Variants in CCDC30 observed in about 807,000 individuals in gnomAD.
CCDC30 encodes the protein coiled-coil domain-containing protein 30.
Under a neutral mutation model 100.2 loss-of-function variants are expected in CCDC30, and 70 were observed. The observed-to-expected ratio is 0.70, with a 90% CI of 0.58 to 0.85. The LOEUF (loss-of-function observed/expected upper bound fraction) is 0.85. CCDC30 is among the 40% of genes least tolerant of loss of function. CCDC30 has a pLI of 0.00. For missense variants in CCDC30, 652 were observed against 771.2 expected (o/e 0.85, Z 1.83); for synonymous variants, 233 against 269.5 (o/e 0.86, Z 1.33).
intron 6 of CCDC30, among the ~76,000 whole-genome samples, chr1:42,555,206 C>G (rs1306940740): frequency 6.6e-6 from 1 of 152,196 alleles, no homozygotes; most frequent in Non-Finnish European, 1.5e-5. Context: ...ATTTCTAAAG[C>G]ACCTTCTCTC....
chr1:42,610,200 T>C (rs1257002993), intron 10 of CCDC30, among the ~76,000 whole-genome samples: 1 of 152,218 alleles, frequency 6.6e-6, no homozygotes, highest in African/African-American at 2.4e-5. Flanking sequence ...TACCAGCAAC[T>C]ATAAGTGATA....
chr1:42,582,498 A>G (rs2809653), intron 9 of CCDC30, among the ~76,000 whole-genome samples: 54,825 of 152,004 alleles, frequency 0.36, 10,076 homozygotes, highest in East Asian at 0.41. Context: ...AAACTCTTGG[A>G]AAATTGCCCT....
chr1:42,530,297 C>G (rs368465236), intron 6 of CCDC30, among the ~76,000 whole-genome samples: 3 of 152,256 alleles, frequency 2.0e-5, no homozygotes, highest in Admixed American at 6.5e-5. Context: ...TAGAGAGAGA[C>G]CACATTCACA....
intron 14 of CCDC30, 56 bp downstream of exon 18, chr1:42,644,863 G>A (rs1315375353): frequency 3.1e-5 from 34 of 1,100,348 alleles, no homozygotes; most frequent in East Asian, 4.7e-5. Context: ...GGGTTGCTAC[G>A]GCTGCTGTGC....
At chr1:42,642,249 A>C (rs981983917) in intron 12 of CCDC30, among the ~76,000 whole-genome samples, 18 of 144,790 alleles carry the variant, frequency 1.2e-4, no homozygotes, top group Non-Finnish European at 2.6e-4. Context: ...ACAAAAAAAT[A>C]TATATATATA....
chr1:42,462,832 T>A (rs1206320671), upstream of CCDC30, among the ~76,000 whole-genome samples: 2 of 152,184 alleles, frequency 1.3e-5, no homozygotes, highest in African/African-American at 2.4e-5. Flanking sequence ...CTTTTTACAA[T>A]AATAAGCTGG....
At chr1:42,538,520 A>G (rs1017116657) in intron 6 of CCDC30, among the ~76,000 whole-genome samples, 11 of 152,166 alleles carry the variant, frequency 7.2e-5, no homozygotes, top group Admixed American at 6.5e-5. Context: ...GTTTGAGCCC[A>G]GGAGTTGAGG....
At chr1:42,655,357 C>T (rs1648621475), downstream of CCDC30, among the ~76,000 whole-genome samples, 1 of 151,992 alleles carries the variant, frequency 6.6e-6, no homozygotes, top group African/African-American at 2.4e-5. Flanking sequence ...GCTTGGCCAA[C>T]TTAGGGAAAC....
At chr1:42,597,877 G>T (rs573726446) in intron 10 of CCDC30, among the ~76,000 whole-genome samples, 1 of 151,092 alleles carries the variant, frequency 6.6e-6, no homozygotes, top group South Asian at 2.1e-4. Context: ...AAAAAAAATC[G>T]CCAGGCACAG....
At chr1:42,552,793 A>G (rs1645280687) in intron 6 of CCDC30, among the ~76,000 whole-genome samples, 1 of 151,960 alleles carries the variant, frequency 6.6e-6, no homozygotes, top group Non-Finnish European at 1.5e-5. Context: ...GGGGTGGCTT[A>G]TTGTGCTAGG....
intron 6 of CCDC30, among the ~76,000 whole-genome samples, chr1:42,524,669 C>G (rs1208790951): frequency 1.3e-5 from 2 of 152,166 alleles, no homozygotes; most frequent in Admixed American, 6.5e-5. Flanking sequence ...GCAAGCTGTT[C>G]CAGGAACTCA....
chr1:42,596,699 G>A lies in CCDC30; in HGVS notation c.1164+7216G>A, dbSNP rs115150714. 7.1e-3 allele frequency among the ~76,000 whole-genome samples: 1,079 copies of A among 151,702 alleles called. 16 individuals are homozygous for A. The highest frequency in any genetic ancestry group is 0.025 in the African/African-American group (1,017 of 41,340). ...TCCTCTACTCACTGCATCATGTTTC[G>A]CTATCAAGAAAAAATTACAAGACAC... On this transcript the variant is annotated intron_variant, in intron 10 of 16. Transcript: ENST00000668663. This position sits in a 1 kb window ranked among gnomAD's most constrained non-coding sequence, Gnocchi z 4.3.
chr1:42,610,016 A>G (rs6600414), intron 10 of CCDC30, among the ~76,000 whole-genome samples: 6,462 of 152,308 alleles, frequency 0.042, 444 homozygotes, highest in African/African-American at 0.14. Context: ...CTCATAGAAG[A>G]TCTGTGGTTC....
At chr1:42,555,073 C>T (rs1645341180) in intron 6 of CCDC30, among the ~76,000 whole-genome samples, 1 of 152,108 alleles carries the variant, frequency 6.6e-6, no homozygotes, top group Non-Finnish European at 1.5e-5. Context: ...AATGACAAAC[C>T]TTATCAATAC....
chr1:42,617,034 A>G (rs1418516802), intron 11 of CCDC30, among the ~76,000 whole-genome samples: 1 of 152,212 alleles, frequency 6.6e-6, no homozygotes, highest in Non-Finnish European at 1.5e-5. Flanking sequence ...GATGCAGACA[A>G]TGTTTAAACA....
chr1:42,617,313 T>A (rs1404904540), intron 11 of CCDC30, among the ~76,000 whole-genome samples: 1 of 152,170 alleles, frequency 6.6e-6, no homozygotes, highest in Non-Finnish European at 1.5e-5. Flanking sequence ...TTAATTTTTT[T>A]AATTACCCAA....
At chr1:42,650,552 A>G in intron 15 of CCDC30, among the ~76,000 whole-genome samples, 1 of 146,950 alleles carries the variant, frequency 6.8e-6, no homozygotes, top group Non-Finnish European at 1.5e-5. Flanking sequence ...TAACAGAACT[A>G]CAGTAATTAA....
chr1:42,473,967 C>CT (rs1643845471), intron 1 of CCDC30, among the ~76,000 whole-genome samples: 8 of 134,176 alleles, frequency 6.0e-5, no homozygotes, highest in South Asian at 2.8e-4. Flanking sequence ...GTAGATAAAG[C>CT]TATTTTTTTT....
intron 7 of CCDC30, among the ~76,000 whole-genome samples, chr1:42,568,648 C>T (rs1020394899): frequency 6.6e-6 from 1 of 151,904 alleles, no homozygotes; most frequent in Admixed American, 6.6e-5. Flanking sequence ...CACTCAAGGC[C>T]AGGTGCAGTG....
Sources: gnomAD v4.1 joint callset for allele counts (sites outside exome capture counted in the v4.1 genomes callset) on GRCh38, gnomAD v4.1.1 for gene constraint, Gnocchi (gnomAD v3.1) non-coding constraint, MANE v1.5 for transcripts, NCBI Gene and HGNC (gene_info 2026-07-23, HGNC 2026-07-21) for gene names.